CHST11: variants seen among roughly 807,000 people sequenced by gnomAD.
CHST11 encodes carbohydrate sulfotransferase 11, also known as C4S-1.
A neutral mutation model predicts 30.4 loss-of-function variants in CHST11; 9 were observed. That is an observed-to-expected ratio of 0.30 (90% confidence interval 0.18 to 0.52). The LOEUF is 0.52. CHST11 is among the 20% of genes least tolerant of loss of function. The pLI, the probability that CHST11 is intolerant of heterozygous loss-of-function variation, is 0.97. For missense variants in CHST11, 348 were observed against 460.6 expected (o/e 0.76, Z 2.24); for synonymous variants, 152 against 187.8 (o/e 0.81, Z 1.56).
intron 1 of CHST11, among the ~76,000 whole-genome samples, chr12:104,576,448 G>A (rs947596621): frequency 1.4e-4 from 21 of 152,146 alleles, no homozygotes; most frequent in African/African-American, 3.4e-4. Flanking sequence ...TTCTGGTTCC[G>A]GGTGACCGTC....
At chr12:104,632,279 G>A (rs893970984) in intron 2 of CHST11, among the ~76,000 whole-genome samples, 1 of 152,118 alleles carries the variant, frequency 6.6e-6, no homozygotes, top group Non-Finnish European at 1.5e-5. Flanking sequence ...AAGCAGAGGT[G>A]TAGTGGGGGG....
intron 2 of CHST11, among the ~76,000 whole-genome samples, chr12:104,732,955 C>G (rs2040269003): frequency 6.6e-6 from 1 of 152,252 alleles, no homozygotes; most frequent in South Asian, 2.1e-4. Flanking sequence ...AGGGCGTCAG[C>G]CCTGTGCTTT....
At chr12:104,469,171 A>C (rs563292234) in intron 1 of CHST11, among the ~76,000 whole-genome samples, 1 of 152,304 alleles carries the variant, frequency 6.6e-6, no homozygotes, top group African/African-American at 2.4e-5. Flanking sequence ...TACTGAAAGG[A>C]TCTGACTTCT....
intron 2 of CHST11, among the ~76,000 whole-genome samples, chr12:104,674,773 G>C (rs1350132742): frequency 6.6e-6 from 1 of 151,546 alleles, no homozygotes; most frequent in Non-Finnish European, 1.5e-5. Context: ...TGGTTTTGCA[G>C]TTCTATATCT....
At chr12:104,545,224 A>G (rs1399184224) in intron 1 of CHST11, among the ~76,000 whole-genome samples, 1 of 152,166 alleles carries the variant, frequency 6.6e-6, no homozygotes, top group Non-Finnish European at 1.5e-5. Context: ...CCACACTCAG[A>G]GGTTTAAGGA....
chr12:104,537,829 G>A (rs376573035), intron 1 of CHST11, among the ~76,000 whole-genome samples: 9 of 151,184 alleles, frequency 6.0e-5, no homozygotes, highest in African/African-American at 1.5e-4. Flanking sequence ...CTGAATGACC[G>A]GGACCACAGG....
chr12:104,582,921 C>T lies in CHST11; in HGVS notation c.119-18985C>T, dbSNP rs1226375537. On this transcript the variant is annotated intron_variant, in intron 1 of 2. Transcript: ENST00000303694. ...CTCTGAACTGGAACTGTTTCTAACA[C>T]ATCTGGCTGCTTCCCCTAGAGACAG... Among the ~76,000 whole-genome samples, 5 of 151,900 alleles carry T rather than the reference C, an allele frequency of 3.3e-5. 1 individual carries two copies. The highest frequency in any genetic ancestry group is 2.6e-4 in the Admixed American group (4 of 15,250).
intron 1 of CHST11, among the ~76,000 whole-genome samples, chr12:104,561,198 A>T (rs1592763875): frequency 6.6e-6 from 1 of 152,112 alleles, no homozygotes; most frequent in East Asian, 1.9e-4. Context: ...CTTTCAGAAG[A>T]TGGGAGTTCA....
At chr12:104,692,603 C>G (rs2039906694) in intron 2 of CHST11, among the ~76,000 whole-genome samples, 1 of 152,046 alleles carries the variant, frequency 6.6e-6, no homozygotes, top group African/African-American at 2.4e-5. Flanking sequence ...TCCCTAATGC[C>G]CCTGGCCACA....
chr12:104,589,396 G>A (rs1355191033), intron 1 of CHST11, among the ~76,000 whole-genome samples: 5 of 99,922 alleles, frequency 5.0e-5, no homozygotes, highest in African/African-American at 1.9e-4. Flanking sequence ...GCAAGATCTT[G>A]TCTCAAAAAA....
At chr12:104,462,638 T>C (rs1160859173) in intron 1 of CHST11, among the ~76,000 whole-genome samples, 1 of 152,220 alleles carries the variant, frequency 6.6e-6, no homozygotes, top group Non-Finnish European at 1.5e-5. Flanking sequence ...TCTTATGTTA[T>C]ACACCTGAAA....
At chr12:104,487,346 T>A (rs973014891) in intron 1 of CHST11, among the ~76,000 whole-genome samples, 1 of 152,088 alleles carries the variant, frequency 6.6e-6, no homozygotes, top group Non-Finnish European at 1.5e-5. Flanking sequence ...ACTGCAGCCT[T>A]GACTTCTTGG....
chr12:104,522,388 G>A (rs2038081914), intron 1 of CHST11, among the ~76,000 whole-genome samples: 1 of 152,188 alleles, frequency 6.6e-6, no homozygotes, highest in Non-Finnish European at 1.5e-5. Flanking sequence ...ACCTCACTTC[G>A]TGTTTGGCAT....
chr12:104,750,249 G>A (rs1254616989), intron 2 of CHST11, among the ~76,000 whole-genome samples: 1 of 151,850 alleles, frequency 6.6e-6, no homozygotes, highest in Non-Finnish European at 1.5e-5. Flanking sequence ...TCCTCATGCA[G>A]CACAGAAAGG....
intron 1 of CHST11, among the ~76,000 whole-genome samples, chr12:104,469,497 A>G (rs1396447535): frequency 6.6e-6 from 1 of 152,192 alleles, no homozygotes; most frequent in Non-Finnish European, 1.5e-5. Flanking sequence ...TTTCAGAAAA[A>G]TAACAGTGGT....
intron 2 of CHST11, among the ~76,000 whole-genome samples, chr12:104,703,255 C>T (rs528606374): frequency 5.3e-5 from 8 of 152,272 alleles, no homozygotes; most frequent in Admixed American, 3.3e-4. Flanking sequence ...GCTGACACCT[C>T]GGGCCTCTCG....
At chr12:104,675,058 T>G (rs536402830) in intron 2 of CHST11, among the ~76,000 whole-genome samples, 2 of 152,356 alleles carry the variant, frequency 1.3e-5, no homozygotes, top group South Asian at 4.1e-4. Context: ...ATTTTTACTA[T>G]ATTTACCTTG....
chr12:104,530,026 G>T (rs941248118), intron 1 of CHST11, among the ~76,000 whole-genome samples: 3 of 152,128 alleles, frequency 2.0e-5, no homozygotes, highest in Non-Finnish European at 4.4e-5. Context: ...AGGCATGGTG[G>T]CACAAGCCTG....
chr12:104,519,105 T>TGTGTGTGTGTGTGTGTGTGTGTG (rs1565972437), intron 1 of CHST11, among the ~76,000 whole-genome samples: 7 of 151,294 alleles, frequency 4.6e-5, no homozygotes, highest in African/African-American at 1.2e-4. Context: ...TGTGTGTGTG[T>TGTGTGTGTGTGTGTGTGTGTGTG]TTCTTTCTCC....
Sources: allele counts gnomAD v4.1 joint callset (sites outside exome capture counted in the v4.1 genomes callset), GRCh38; gene constraint gnomAD v4.1.1; transcripts MANE v1.5; gene names NCBI Gene and HGNC (gene_info 2026-07-23, HGNC 2026-07-21).